The following CNTNAP2 variants were observed in gnomAD, a reference collection of about 807,000 sequenced individuals.
CNTNAP2 encodes contactin associated protein 2, also known as contactin-associated protein-like 2.
Under a neutral mutation model 155.2 loss-of-function variants are expected in CNTNAP2, and 98 were observed. The ratio of observed to expected loss-of-function variants is 0.63; its 90% confidence interval spans 0.54 to 0.75. CNTNAP2 has a LOEUF of 0.75. Ranked by LOEUF, CNTNAP2 falls within the 30% of genes least tolerant of loss-of-function variation. The probability of loss-of-function intolerance (pLI) is 0.00; values close to 1 mark genes in which losing one functional copy is unlikely to be tolerated. For missense variants in CNTNAP2, 1,727 were observed against 1,688.1 expected, an observed-to-expected ratio of 1.02 and a Z score of -0.40; for synonymous variants, 651 against 631.2, an observed-to-expected ratio of 1.03 and a Z score of -0.47.
intron 1 of CNTNAP2, among the ~76,000 whole-genome samples, chr7:146,583,659 G>C (rs550844317): frequency 6.6e-6 from 1 of 152,270 alleles, no homozygotes; most frequent in African/African-American, 2.4e-5. Context: ...GAGGTGACAA[G>C]ATTAATATAG....
At chr7:146,164,767 C>T (rs1206942674) in intron 1 of CNTNAP2, among the ~76,000 whole-genome samples, 7 of 152,248 alleles carry the variant, frequency 4.6e-5, no homozygotes, top group East Asian at 1.9e-4. Flanking sequence ...TTACAAAATG[C>T]GTCATACATT....
In CNTNAP2 at chr7:148,419,824, CT is replaced by C. The variant is rs1157591517; in HGVS notation, c.*4210del. On this transcript the variant is annotated 3_prime_UTR_variant, in exon 24 of 24. Transcript: ENST00000361727. ...CAGCATCCCCTTTCTCTCTCCCTGC[CT>C]TGGTGGGACCCTCCCTGTGTGACCT... is the stretch of plus-strand genomic sequence containing the variant. The C allele has an allele frequency of 3.9e-5, 6 of 152,224 alleles. No homozygotes were observed. The highest frequency in any genetic ancestry group is 1.4e-4 in the African/African-American group (6 of 41,420). 9.4% of individuals were successfully genotyped at this position (152,224 alleles called of 1,614,324 possible).
intron 10 of CNTNAP2, among the ~76,000 whole-genome samples, chr7:147,476,402 C>A (rs927867195): frequency 6.6e-6 from 1 of 151,726 alleles, no homozygotes; most frequent in African/African-American, 2.4e-5. Flanking sequence ...ACCGCGCCCA[C>A]CTCTGTTTAT....
At chr7:146,908,407 C>T (rs1236923965) in intron 3 of CNTNAP2, among the ~76,000 whole-genome samples, 20 of 147,250 alleles carry the variant, frequency 1.4e-4, no homozygotes, top group African/African-American at 4.7e-4. Context: ...GGAAGTAAAG[C>T]TCTCCTCAGC....
At chr7:147,023,597 A>G (rs1043900227) in intron 3 of CNTNAP2, among the ~76,000 whole-genome samples, 5 of 152,016 alleles carry the variant, frequency 3.3e-5, no homozygotes, top group African/African-American at 1.2e-4. Flanking sequence ...TTCCTCCTCA[A>G]CCCCTAGCAA....
At chr7:146,597,503 A>G (rs879669834) in intron 1 of CNTNAP2, among the ~76,000 whole-genome samples, 25 of 152,218 alleles carry the variant, frequency 1.6e-4, no homozygotes, top group Admixed American at 1.6e-3. Flanking sequence ...TATAAGTTTT[A>G]TATATAGAAG....
chr7:147,123,663 T>C (rs1801165674), intron 6 of CNTNAP2, among the ~76,000 whole-genome samples: 1 of 152,236 alleles, frequency 6.6e-6, no homozygotes, highest in Non-Finnish European at 1.5e-5. Context: ...TGAAATGTAA[T>C]AAAAGTGGCT....
chr7:146,728,248 T>C (rs1801465809), intron 1 of CNTNAP2, among the ~76,000 whole-genome samples: 1 of 152,064 alleles, frequency 6.6e-6, no homozygotes, highest in African/African-American at 2.4e-5. Context: ...AATAGGGGTC[T>C]GAAGAAGAAG....
At chr7:147,134,168 G>A (rs1296420346) in intron 8 of CNTNAP2, among the ~76,000 whole-genome samples, 2 of 151,926 alleles carry the variant, frequency 1.3e-5, no homozygotes, top group Non-Finnish European at 2.9e-5. Context: ...TGTAACAGGA[G>A]CCAATATATT....
intron 3 of CNTNAP2, among the ~76,000 whole-genome samples, chr7:146,995,349 C>T (rs1798288416): frequency 6.6e-6 from 1 of 152,128 alleles, no homozygotes; most frequent in Non-Finnish European, 1.5e-5. Flanking sequence ...TGGATCTATA[C>T]CATTAACAAA....
At chr7:146,569,307 C>T (rs1270289778) in intron 1 of CNTNAP2, among the ~76,000 whole-genome samples, 2 of 152,218 alleles carry the variant, frequency 1.3e-5, no homozygotes, top group Non-Finnish European at 2.9e-5. Flanking sequence ...GCGTGAGCCG[C>T]CGCGCCCGGC....
chr7:146,149,909 G>C (rs1273909096), intron 1 of CNTNAP2, among the ~76,000 whole-genome samples: 3 of 147,284 alleles, frequency 2.0e-5, no homozygotes, highest in East Asian at 2.0e-4. Flanking sequence ...GACCAGTCAG[G>C]CTTCATGAAA....
intron 22 of CNTNAP2, among the ~76,000 whole-genome samples, chr7:148,408,368 A>C (rs1339964493): frequency 1.3e-5 from 2 of 152,180 alleles, no homozygotes; most frequent in African/African-American, 4.8e-5. Context: ...TATTTCCAAG[A>C]GAAGAGGAGG....
intron 11 of CNTNAP2, among the ~76,000 whole-genome samples, chr7:147,505,520 G>A (rs920158047): frequency 4.6e-5 from 7 of 152,116 alleles, no homozygotes; most frequent in Admixed American, 3.9e-4. Flanking sequence ...CATAAAATTC[G>A]TGGCTATTTC....
intron 14 of CNTNAP2, among the ~76,000 whole-genome samples, chr7:147,930,659 G>A (rs925942790): frequency 1.5e-4 from 23 of 152,126 alleles, no homozygotes; most frequent in Non-Finnish European, 2.6e-4. Flanking sequence ...TAGACATTCA[G>A]ACAGACAAAT....
At chr7:147,167,254 A>G (rs1802132785) in intron 8 of CNTNAP2, 1 of 382,850 alleles carries the variant, frequency 2.6e-6, no homozygotes, top group Non-Finnish European at 4.6e-6. Context: ...TAACTGGTCA[A>G]TTTTGATAAT....
chr7:146,672,970 T>C (rs1408344987), intron 1 of CNTNAP2, among the ~76,000 whole-genome samples: 1 of 152,174 alleles, frequency 6.6e-6, no homozygotes, highest in East Asian at 1.9e-4. Context: ...ACTATCATTA[T>C]AGATTTGGTT....
chr7:146,520,334 A>ATATATC (rs1005934794), intron 1 of CNTNAP2, among the ~76,000 whole-genome samples: 7 of 140,396 alleles, frequency 5.0e-5, no homozygotes, highest in African/African-American at 1.8e-4. Flanking sequence ...ATATATATAT[A>ATATATC]TATCTTGAGA....
intron 23 of CNTNAP2, among the ~76,000 whole-genome samples, chr7:148,412,644 GAAT>G (rs1799869971): frequency 6.6e-6 from 1 of 152,142 alleles, no homozygotes; most frequent in African/African-American, 2.4e-5. Context: ...TTTTATCTGA[GAAT>G]AATGAGATTT....
Sources: allele counts gnomAD v4.1 joint callset (sites outside exome capture counted in the v4.1 genomes callset), GRCh38; gene constraint gnomAD v4.1.1; transcripts MANE v1.5; gene names NCBI Gene and HGNC (gene_info 2026-07-23, HGNC 2026-07-21).